PABPC4L: variants seen among roughly 807,000 people sequenced by gnomAD.
PABPC4L encodes polyadenylate-binding protein 4-like.
For missense variants in PABPC4L, 452 were observed against 451.4 expected (o/e 1.00, Z -0.01); for synonymous variants, 169 against 164.1 (o/e 1.03, Z -0.23).
the PABPC4L span, among the ~76,000 whole-genome samples, chr4:134,190,482 C>T: frequency 2.0e-5 from 3 of 151,818 alleles, no homozygotes; most frequent in Non-Finnish European, 4.4e-5. Context: ...TATTCTAATT[C>T]CTGTCCTTTC....
At chr4:134,138,135 A>T in the PABPC4L span, among the ~76,000 whole-genome samples, 2 of 151,594 alleles carry the variant, frequency 1.3e-5, no homozygotes, top group Non-Finnish European at 3.0e-5. Context: ...CTGCATCTTT[A>T]AAAAAAATCA....
the PABPC4L span, among the ~76,000 whole-genome samples, chr4:133,979,122 G>A: frequency 9.2e-5 from 14 of 152,142 alleles, no homozygotes; most frequent in East Asian, 7.7e-4. Context: ...AATTGATATC[G>A]AAAAGATCTA....
chr4:134,150,219 G>T, the PABPC4L span, among the ~76,000 whole-genome samples: 1 of 151,556 alleles, frequency 6.6e-6, no homozygotes, highest in African/African-American at 2.4e-5. Flanking sequence ...AAGTAGCTGG[G>T]ATTACAGGCG....
the PABPC4L span, among the ~76,000 whole-genome samples, chr4:134,068,079 A>T: frequency 1.3e-5 from 2 of 152,014 alleles, no homozygotes; most frequent in African/African-American, 4.8e-5. Context: ...ATGTTTGTTA[A>T]TTTTCTGTTT....
chr4:134,014,987 C>T, the PABPC4L span, among the ~76,000 whole-genome samples: 1 of 152,098 alleles, frequency 6.6e-6, no homozygotes, highest in Non-Finnish European at 1.5e-5. Context: ...ATAGCTACAT[C>T]TCATTGCCAC....
the PABPC4L span, among the ~76,000 whole-genome samples, chr4:134,176,784 G>T: frequency 6.6e-6 from 1 of 152,162 alleles, no homozygotes; most frequent in Non-Finnish European, 1.5e-5. Flanking sequence ...AGGGTGCCCA[G>T]GGTGATTCAT....
At chr4:134,055,536 G>T in the PABPC4L span, among the ~76,000 whole-genome samples, 2 of 151,346 alleles carry the variant, frequency 1.3e-5, no homozygotes. Context: ...TTTTTCTATC[G>T]TTTAAGCCAC....
At position 134,201,163 on chromosome 4, in the gene PABPC4L, A is replaced by T. The variant is rs1459901039; in HGVS notation, c.-144T>A. 4 of 1,549,314 alleles carry T rather than the reference A, an allele frequency of 2.6e-6. No individual in the cohort carries two copies. ...AAAGGCCAAGCAATGGAGTTCAGACACGACTCCCCCAGCTCAGGCAACACC... is the reference window on the plus strand; with the variant it reads ...AAAGGCCAAGCAATGGAGTTCAGACTCGACTCCCCCAGCTCAGGCAACACC... On this transcript the variant is annotated 5_prime_UTR_variant, in exon 2 of 2. Transcript: ENST00000421491.
chr4:133,974,090 C>G, the PABPC4L span, among the ~76,000 whole-genome samples: 1 of 152,132 alleles, frequency 6.6e-6, no homozygotes, highest in African/African-American at 2.4e-5. Flanking sequence ...GGATAACTCA[C>G]ACTTTCTGAT....
At chr4:134,177,092 C>A in the PABPC4L span, among the ~76,000 whole-genome samples, 1 of 152,000 alleles carries the variant, frequency 6.6e-6, no homozygotes, top group Admixed American at 6.6e-5. Context: ...CCCAAACTTG[C>A]CTGCCCACTC....
the PABPC4L span, among the ~76,000 whole-genome samples, chr4:134,134,225 A>T: frequency 1.3e-5 from 2 of 152,198 alleles, no homozygotes; most frequent in Non-Finnish European, 2.9e-5. Flanking sequence ...TTTAAAATTC[A>T]TTCTTAGCTG....
the PABPC4L span, among the ~76,000 whole-genome samples, chr4:134,006,088 T>A: frequency 6.6e-6 from 1 of 151,980 alleles, no homozygotes; most frequent in East Asian, 1.9e-4. Flanking sequence ...CAAATATAAC[T>A]AAAATCATCC....
chr4:133,991,420 A>G, the PABPC4L span, among the ~76,000 whole-genome samples: 1 of 152,122 alleles, frequency 6.6e-6, no homozygotes, highest in Admixed American at 6.5e-5. Context: ...GCTTCCAGTC[A>G]CAGTTTAATT....
At chr4:133,994,411 T>C in the PABPC4L span, among the ~76,000 whole-genome samples, 1 of 152,236 alleles carries the variant, frequency 6.6e-6, no homozygotes, top group African/African-American at 2.4e-5. Flanking sequence ...ATAGGTCCTG[T>C]CCCCAAATAT....
the PABPC4L span, among the ~76,000 whole-genome samples, chr4:133,987,292 T>A: frequency 2.0e-5 from 3 of 152,196 alleles, no homozygotes; most frequent in African/African-American, 7.2e-5. Context: ...CTGCAAGGCT[T>A]ATCAAGAAAA....
chr4:133,998,027 A>T, the PABPC4L span, among the ~76,000 whole-genome samples: 20 of 151,880 alleles, frequency 1.3e-4, no homozygotes, highest in African/African-American at 4.8e-4. Context: ...TATATAATCA[A>T]ATGTACAAGT....
the PABPC4L span, among the ~76,000 whole-genome samples, chr4:134,064,624 G>A: frequency 1.3e-5 from 2 of 152,022 alleles, no homozygotes; most frequent in African/African-American, 4.8e-5. Flanking sequence ...TTTAGGTTCA[G>A]CATACACGTA....
chr4:134,109,430 G>A, the PABPC4L span, among the ~76,000 whole-genome samples: 1 of 151,498 alleles, frequency 6.6e-6, no homozygotes, highest in African/African-American at 2.4e-5. Context: ...AAAAATGAGA[G>A]AAATGACAGA....
At chr4:134,127,489 A>C in the PABPC4L span, among the ~76,000 whole-genome samples, 1 of 151,842 alleles carries the variant, frequency 6.6e-6, no homozygotes, top group African/African-American at 2.4e-5. Context: ...CTTTGCAGAC[A>C]CTCCCCATTA....
Sources: gnomAD v4.1 joint callset for allele counts (sites outside exome capture counted in the v4.1 genomes callset) on GRCh38, gnomAD v4.1.1 for gene constraint, MANE v1.5 for transcripts, NCBI Gene and HGNC (gene_info 2026-07-23, HGNC 2026-07-21) for gene names.